Variants in PMP2 observed in about 807,000 individuals in gnomAD.
PMP2 encodes the protein myelin P2 protein.
Under a neutral mutation model 15.9 loss-of-function variants are expected in PMP2, and 11 were observed. That is an observed-to-expected ratio of 0.69 (90% confidence interval 0.44 to 1.14). PMP2 has a LOEUF of 1.14. PMP2 is among the 50% of genes most tolerant of loss of function. The pLI is 0.00. For synonymous variants in PMP2, 55 were observed against 54.1 expected (o/e 1.02, Z -0.07); for missense variants, 151 against 154.0 (o/e 0.98, Z 0.10).
intron 3 of PMP2, among the ~76,000 whole-genome samples, chr8:81,444,119 G>A (rs142629967): frequency 1.3e-5 from 2 of 152,280 alleles, no homozygotes; most frequent in East Asian, 3.9e-4. Context: ...TGGGATATCT[G>A]CAAATAGTCT....
intron 3 of PMP2, 38 bp downstream of exon 3, chr8:81,444,462 A>G (rs1394149329): frequency 8.4e-7 from 1 of 1,189,520 alleles, no homozygotes; most frequent in African/African-American, 1.5e-5. Context: ...TTATTTATAT[A>G]GCATTATTTC....
Position 81,443,463 on chromosome 8 carries a change from A to T in PMP2, c.349-15T>A. 1 of 1,559,912 alleles carries T rather than the reference A, an allele frequency of 6.4e-7. No homozygotes were observed. The highest frequency in any genetic ancestry group is 8.8e-7 in the Non-Finnish European group (1 of 1,141,958). Reference sequence around the variant, plus strand: ...ATTTTACATTCCTTAAAAAAGAGAGAGGTTAATTGAGTATCTCAAGTTCAA... The same window carrying T: ...ATTTTACATTCCTTAAAAAAGAGAGTGGTTAATTGAGTATCTCAAGTTCAA... On this transcript the variant is annotated splice_polypyrimidine_tract_variant and intron_variant, in intron 3 of 3. Coordinates refer to ENST00000256103, the MANE Select transcript of PMP2 (RefSeq NM_002677.5).
intron 1 of PMP2, among the ~76,000 whole-genome samples, chr8:81,445,951 G>A (rs983848509): frequency 1.3e-5 from 2 of 151,868 alleles, no homozygotes; most frequent in Admixed American, 1.3e-4. Context: ...AGACTCTTAA[G>A]TTTATTACCA....
chr8:81,445,903 T>TA (rs1807440929), intron 1 of PMP2, among the ~76,000 whole-genome samples: 1 of 152,098 alleles, frequency 6.6e-6, no homozygotes, highest in Admixed American at 6.5e-5. Context: ...AAATATTTTT[T>TA]AAAAAACTCT....
At position 81,441,504 on chromosome 8, in the gene PMP2, A is replaced by G. The variant is rs1295793015; in HGVS notation, c.*1894T>C. On this transcript the variant is annotated 3_prime_UTR_variant, in exon 4 of 4. Transcript: ENST00000256103. ...GGTCCATGACGTTCTATTGCAAAAG[A>G]GAAACCTTCTCATTTCTCTATCTAT... 4 of 151,458 alleles carry G rather than the reference A, an allele frequency of 2.6e-5. No individual in the cohort carries two copies. Among genetic ancestry groups the G allele is most frequent in the Non-Finnish European group, 5.9e-5 (4 of 67,834 alleles). 9.4% of individuals were successfully genotyped at this position (151,458 alleles called of 1,614,324 possible). A position where few individuals can be genotyped will look rare whatever the true frequency, so the allele number is the denominator to read the frequency against.
chr8:81,445,256 G>T (rs1174198690), intron 1 of PMP2, among the ~76,000 whole-genome samples: 2 of 150,074 alleles, frequency 1.3e-5, no homozygotes, highest in Admixed American at 6.7e-5. Context: ...ACGGAGTCTC[G>T]CTCTGTCGTC....
chr8:81,447,225 C>A, intron 1 of PMP2, 89 bp downstream of exon 1: 1 of 930,872 alleles, frequency 1.1e-6, no homozygotes, highest in South Asian at 1.3e-5. Flanking sequence ...CAAAACTCCC[C>A]AGTATCCTGT....
chr8:81,445,272 T>A (rs1395916992), intron 1 of PMP2, among the ~76,000 whole-genome samples: 1 of 152,154 alleles, frequency 6.6e-6, no homozygotes, highest in Non-Finnish European at 1.5e-5. Context: ...TCGTCCTGGT[T>A]GGAGTGCAAT....
At position 81,441,697 on chromosome 8, in the gene PMP2, G is replaced by T. The variant is rs1462754551; in HGVS notation, c.*1701C>A. 6.6e-6 allele frequency: 1 copy of T among 151,002 alleles called. No individual in the cohort carries two copies. The highest frequency in any genetic ancestry group is 2.1e-4 in the South Asian group (1 of 4,794). 9.4% of individuals were successfully genotyped at this position (151,002 alleles called of 1,614,324 possible). ...ATTTTATTTTTTTCTCAATTATCTT[G>T]TTATTTATTTTTCTCAATTATTTTG... On this transcript the variant is annotated 3_prime_UTR_variant, in exon 4 of 4. Coordinates refer to ENST00000256103, the MANE Select transcript of PMP2 (RefSeq NM_002677.5).
chr8:81,443,750 G>C (rs1446325840), intron 3 of PMP2, among the ~76,000 whole-genome samples: 1 of 151,922 alleles, frequency 6.6e-6, no homozygotes, highest in African/African-American at 2.4e-5. Flanking sequence ...GCGTTACCTG[G>C]GGAATATTTA....
chr8:81,445,448 C>A (rs184161463), intron 1 of PMP2, among the ~76,000 whole-genome samples: 1 of 152,264 alleles, frequency 6.6e-6, no homozygotes, highest in South Asian at 2.1e-4. Flanking sequence ...TGGTCTCGAT[C>A]TCCTGACCTC....
chr8:81,445,404 T>C (rs947330526), intron 1 of PMP2, among the ~76,000 whole-genome samples: 2 of 152,090 alleles, frequency 1.3e-5, no homozygotes, highest in Admixed American at 6.5e-5. Flanking sequence ...TTTGTATTTT[T>C]AGTAGAGACG....
Position 81,443,434 on chromosome 8 carries a change from C to T in PMP2, c.363G>A (p.Lys121=). 6.3e-7 allele frequency: 1 copy of T among 1,598,618 alleles called. No individual in the cohort carries two copies. Among genetic ancestry groups the T allele is most frequent in the Non-Finnish European group, 8.5e-7 (1 of 1,171,760 alleles). The change falls in exon 4 of 4, where the codon AAG becomes AAA. Residue 121 remains lysine (K), a synonymous_variant. Coordinates refer to ENST00000256103, the MANE Select transcript of PMP2 (RefSeq NM_002677.5). The part of the protein sequence containing the change: ...NGKMVAECKM[K]GVVCTRIYEK... ...CATAGATTCTGGTGCACACCACGCC[C>T]TTCATTTTACATTCCTTAAAAAAGA...
At chr8:81,446,734 T>G (rs1165624031) in intron 1 of PMP2, among the ~76,000 whole-genome samples, 1 of 152,236 alleles carries the variant, frequency 6.6e-6, no homozygotes, top group Non-Finnish European at 1.5e-5. Flanking sequence ...TTGAATTCAC[T>G]GCCATAACTC....
In PMP2 at chr8:81,442,540, GAAAC is replaced by G. The variant is rs1457034585; in HGVS notation, c.*854_*857del. 2 of 152,412 alleles carry G rather than the reference GAAAC, an allele frequency of 1.3e-5. No individual in the cohort carries two copies. The highest frequency in any genetic ancestry group is 2.9e-5 in the Non-Finnish European group (2 of 67,940). 9.4% of individuals were successfully genotyped at this position (152,412 alleles called of 1,614,324 possible). A position where few individuals can be genotyped will look rare whatever the true frequency, so the allele number is the denominator to read the frequency against. On this transcript the variant is annotated 3_prime_UTR_variant, in exon 4 of 4. Transcript: ENST00000256103. ...ATGAAATAGTACTTGGTAATAAAAA[GAAAC>G]AAACTACAGCTGCATGCAACAATGT...
chr8:81,443,595 A>T, intron 3 of PMP2, 147 bp from the exon 4 acceptor site: 1 of 507,396 alleles, frequency 2.0e-6, no homozygotes, highest in East Asian at 3.2e-5. Flanking sequence ...GTAATTCAGA[A>T]TTATGACCAT....
rs927549571 is a variant in PMP2 at position 81,441,930 on chromosome 8, C to A, written c.*1468G>T. 1.3e-5 allele frequency: 2 copies of A among 152,048 alleles called. No individual in the cohort carries two copies. The highest frequency in any genetic ancestry group is 4.8e-5 in the African/African-American group (2 of 41,492). The allele number at this position is 152,048 out of a possible 1,614,324, so 9.4% of individuals were successfully genotyped here. A position where few individuals can be genotyped will look rare whatever the true frequency, so the allele number is the denominator to read the frequency against. On this transcript the variant is annotated 3_prime_UTR_variant, in exon 4 of 4. Coordinates refer to ENST00000256103, the MANE Select transcript of PMP2 (RefSeq NM_002677.5). The stretch of plus-strand genomic sequence containing the variant: ...TTTTAGTGGCAAACTATATTAGACA[C>A]GAAGATCTGAGTGCTAGGTATATTC...
At chr8:81,447,259 A>G in intron 1 of PMP2, 55 bp downstream of exon 1, 4 of 1,337,320 alleles carry the variant, frequency 3.0e-6, no homozygotes, top group Non-Finnish European at 1.1e-6. Context: ...TGAAAATGTC[A>G]TGTAGCTTTC....
rs1453669235 is a variant in PMP2 at position 81,440,674 on chromosome 8, A to T, written c.*2724T>A. On this transcript the variant is annotated 3_prime_UTR_variant, in exon 4 of 4. Transcript: ENST00000256103. ...TGTTAAATTTTACCTCATTTACTTTATCAATTGCTCTTTCTCTATTTATGT... is the reference window on the plus strand; with the variant it reads ...TGTTAAATTTTACCTCATTTACTTTTTCAATTGCTCTTTCTCTATTTATGT... 1 of 152,204 alleles carries T rather than the reference A, an allele frequency of 6.6e-6. No homozygotes were observed. The highest frequency in any genetic ancestry group is 2.4e-5 in the African/African-American group (1 of 41,456). 9.4% of individuals were successfully genotyped at this position (152,204 alleles called of 1,614,324 possible).
Sources: gnomAD v4.1 joint callset for allele counts (sites outside exome capture counted in the v4.1 genomes callset) on GRCh38, gnomAD v4.1.1 for gene constraint, MANE v1.5 for transcripts, NCBI Gene and HGNC (gene_info 2026-07-23, HGNC 2026-07-21) for gene names.